Variants in ST13 observed in about 807,000 individuals in gnomAD.
The protein encoded by ST13 is ST13 Hsp70 interacting protein.
ST13 carries 23 observed loss-of-function variants against 56.7 expected under a neutral mutation model. The ratio of observed to expected loss-of-function variants is 0.41; its 90% CI spans 0.29 to 0.57. The LOEUF (loss-of-function observed/expected upper bound fraction) is 0.57. Ranked by LOEUF, ST13 falls within the 20% of genes least tolerant of loss-of-function variation. The probability of loss-of-function intolerance (pLI) is 0.36; values close to 1 mark genes in which losing one functional copy is unlikely to be tolerated. For synonymous variants in ST13, 132 were observed against 142.4 expected (o/e 0.93, Z 0.52); for missense variants, 369 against 459.9 (o/e 0.80, Z 1.81).
chr22:40,851,029 G>T, intron 1 of ST13, 149 bp from the exon 2 acceptor site: 2 of 585,070 alleles, frequency 3.4e-6, no homozygotes, highest in South Asian at 2.7e-5. Flanking sequence ...TGAATGCTGT[G>T]GTATTATTAT....
At chr22:40,828,250 GTTC>G (rs1256189080) in intron 10 of ST13, among the ~76,000 whole-genome samples, 1 of 152,044 alleles carries the variant, frequency 6.6e-6, no homozygotes, top group Non-Finnish European at 1.5e-5. Context: ...AATCTACTCT[GTTC>G]TTCAATATCA....
At chr22:40,826,698 A>C in intron 11 of ST13, 32 bp from the exon 12 acceptor site, 1 of 1,606,756 alleles carries the variant, frequency 6.2e-7, no homozygotes, top group Non-Finnish European at 8.5e-7. Flanking sequence ...GTATTTAAAA[A>C]GTGTCCTACT....
Position 40,856,542 on chromosome 22 carries a change from G to A in ST13, c.-2C>T, listed in dbSNP as rs370878090. On this transcript the variant is annotated 5_prime_UTR_variant, in exon 1 of 12. Coordinates refer to ENST00000216218, the MANE Select transcript of ST13 (RefSeq NM_003932.5). ...CTCGTTCACTTTGCGGGGGTCCATGGTAGGGAGGTGGTGGGCGAAACTGGG... is the reference window on the plus strand; with the variant it reads ...CTCGTTCACTTTGCGGGGGTCCATGATAGGGAGGTGGTGGGCGAAACTGGG... 9 of 1,611,458 alleles carry A rather than the reference G, an allele frequency of 5.6e-6. No homozygotes were observed. Among genetic ancestry groups the A allele is most frequent in the Non-Finnish European group, 6.8e-6 (8 of 1,179,396 alleles).
intron 10 of ST13, 25 bp downstream of exon 10, chr22:40,829,601 A>C (rs778184371): frequency 1.5e-6 from 2 of 1,325,744 alleles, no homozygotes; most frequent in South Asian, 3.8e-5. Context: ...AGAACAAAAC[A>C]GTTTTAACTT....
chr22:40,830,156 G>A (rs1010992199), intron 9 of ST13, among the ~76,000 whole-genome samples: 1 of 151,956 alleles, frequency 6.6e-6, no homozygotes, highest in Non-Finnish European at 1.5e-5. Context: ...AAATTATTGA[G>A]GAGATATATT....
chr22:40,838,983 G>A (rs1435163785), intron 5 of ST13, among the ~76,000 whole-genome samples: 1 of 151,654 alleles, frequency 6.6e-6, no homozygotes, highest in Non-Finnish European at 1.5e-5. Flanking sequence ...TAAAATACAG[G>A]ATCTTAGTCT....
chr22:40,839,481 T>C (rs898579448), intron 5 of ST13, among the ~76,000 whole-genome samples: 4 of 152,098 alleles, frequency 2.6e-5, no homozygotes, highest in African/African-American at 9.7e-5. Flanking sequence ...AATACTACCA[T>C]GGGCCGGGCG....
rs1052207881 is a variant in ST13, at chr22:40,844,970, A to T, written c.245-61T>A. 3.3e-6 allele frequency: 4 copies of T among 1,210,166 alleles called. No homozygotes were observed. The African/African-American group carries it at 6.1e-5, about 19-fold the overall frequency. 75.0% of individuals were successfully genotyped at this position (1,210,166 alleles called of 1,614,324 possible). A position where few individuals can be genotyped will look rare whatever the true frequency, so the allele number is the denominator to read the frequency against. ...CCGTACAATATAGTAGCCACTCCCAAGATTATTAAAAACTGACATACTATG... is the reference window on the plus strand; with the variant it reads ...CCGTACAATATAGTAGCCACTCCCATGATTATTAAAAACTGACATACTATG... On this transcript the variant is annotated intron_variant, in intron 3 of 11. Transcript: ENST00000216218.
rs1256256295 is a variant in ST13, at chr22:40,825,535, T to C, written c.*1003A>G. 3 of 152,138 alleles carry C rather than the reference T, an allele frequency of 2.0e-5. No individual in the cohort carries two copies. The East Asian group carries it at 5.8e-4, about 29-fold the overall frequency. 9.4% of individuals were successfully genotyped at this position (152,138 alleles called of 1,614,324 possible). On this transcript the variant is annotated 3_prime_UTR_variant, in exon 12 of 12. Coordinates refer to ENST00000216218, the MANE Select transcript of ST13 (RefSeq NM_003932.5). Reference sequence around the variant, plus strand: ...CTCTTGGCCAAGTAAGAAACTACAGTTGTTGTGGGTATTACCCTACAATTA... The same window carrying C: ...CTCTTGGCCAAGTAAGAAACTACAGCTGTTGTGGGTATTACCCTACAATTA...
At chr22:40,834,236 G>A (rs1310788438) in intron 7 of ST13, among the ~76,000 whole-genome samples, 2 of 152,160 alleles carry the variant, frequency 1.3e-5, no homozygotes, top group Non-Finnish European at 2.9e-5. Flanking sequence ...AGTGAGCCTA[G>A]ATCGCACCAC....
At chr22:40,840,745 G>C in intron 4 of ST13, 53 bp from the exon 5 acceptor site, 2 of 1,488,494 alleles carry the variant, frequency 1.3e-6, no homozygotes, top group Non-Finnish European at 1.9e-6. Flanking sequence ...AGAGAAGGAA[G>C]CAATTCATAC....
intron 11 of ST13, among the ~76,000 whole-genome samples, chr22:40,826,891 T>C (rs1210938385): frequency 6.8e-6 from 1 of 147,660 alleles, no homozygotes; most frequent in African/African-American, 2.7e-5. Flanking sequence ...CTGGATATAA[T>C]TGCCGATTGC....
chr22:40,847,331 C>G (rs563841546), intron 3 of ST13, among the ~76,000 whole-genome samples: 2 of 150,482 alleles, frequency 1.3e-5, no homozygotes, highest in Non-Finnish European at 3.0e-5. Context: ...ATCAGGAGTT[C>G]AAGACCAGCC....
Position 40,825,537 on chromosome 22 carries a change from G to A in ST13, c.*1001C>T, listed in dbSNP as rs2057723616. Reference sequence around the variant, plus strand: ...CTTGGCCAAGTAAGAAACTACAGTTGTTGTGGGTATTACCCTACAATTACC... The same window carrying A: ...CTTGGCCAAGTAAGAAACTACAGTTATTGTGGGTATTACCCTACAATTACC... On this transcript the variant is annotated 3_prime_UTR_variant, in exon 12 of 12. Transcript: ENST00000216218. 1 of 152,166 alleles carries A rather than the reference G, an allele frequency of 6.6e-6. No homozygotes were observed. Among genetic ancestry groups the A allele is most frequent in the South Asian group, 2.1e-4 (1 of 4,832 alleles). 9.4% of individuals were successfully genotyped at this position (152,166 alleles called of 1,614,324 possible).
intron 1 of ST13, among the ~76,000 whole-genome samples, chr22:40,855,120 T>C (rs1040965011): frequency 1.3e-5 from 2 of 152,154 alleles, no homozygotes; most frequent in East Asian, 1.9e-4. Flanking sequence ...TGTTAAGAAA[T>C]ATTCTTTGAG....
At chr22:40,840,414 A>G (rs976772773) in intron 5 of ST13, among the ~76,000 whole-genome samples, 1 of 151,930 alleles carries the variant, frequency 6.6e-6, no homozygotes, top group Non-Finnish European at 1.5e-5. Context: ...GGGTCAGGAA[A>G]TCAGAGACAC....
intron 3 of ST13, among the ~76,000 whole-genome samples, chr22:40,847,996 G>A (rs529979408): frequency 8.3e-4 from 127 of 152,154 alleles, no homozygotes; most frequent in African/African-American, 2.0e-3. Context: ...GCAGTGAGCC[G>A]AGATTGTGCC....
At chr22:40,851,702 C>T (rs901312820) in intron 1 of ST13, among the ~76,000 whole-genome samples, 3 of 151,430 alleles carry the variant, frequency 2.0e-5, no homozygotes, top group Non-Finnish European at 4.4e-5. Flanking sequence ...AAGCCATTAA[C>T]TATGTAAAAC....
intron 7 of ST13, 197 bp downstream of exon 7, chr22:40,835,363 C>G (rs903054258): frequency 6.0e-5 from 27 of 446,880 alleles, no homozygotes; most frequent in Admixed American, 4.6e-4. Context: ...ATTCTCACTT[C>G]TTCTTTTAAA....
Sources: gnomAD v4.1 joint callset for allele counts (sites outside exome capture counted in the v4.1 genomes callset) on GRCh38, gnomAD v4.1.1 for gene constraint, MANE v1.5 for transcripts, NCBI Gene and HGNC (gene_info 2026-07-23, HGNC 2026-07-21) for gene names.